The following TRPC7 variants were observed in gnomAD, a reference collection of about 807,000 sequenced individuals.
The protein encoded by TRPC7 is short transient receptor potential channel 7.
A neutral mutation model predicts 90.1 loss-of-function variants in TRPC7; 42 were observed. The ratio of observed to expected loss-of-function variants is 0.47; its 90% CI spans 0.36 to 0.60. The LOEUF (loss-of-function observed/expected upper bound fraction) is 0.60, where lower values mean the gene tolerates loss of function less well. Among genes scored for constraint, TRPC7 ranks in the 20% least tolerant of loss-of-function variants. The pLI, the probability that TRPC7 is intolerant of heterozygous loss-of-function variation, is 0.00. For synonymous variants in TRPC7, 451 were observed against 436.3 expected, an observed-to-expected ratio of 1.03 and a Z score of -0.42; for missense variants, 955 against 1,112.3, an observed-to-expected ratio of 0.86 and a Z score of 2.01.
At chr5:136,275,693 C>T (rs1757344118) in intron 3 of TRPC7, among the ~76,000 whole-genome samples, 1 of 152,204 alleles carries the variant, frequency 6.6e-6, no homozygotes, top group Admixed American at 6.5e-5. Flanking sequence ...GTCCTGCCCT[C>T]ACCCCTGGAT....
intron 2 of TRPC7, among the ~76,000 whole-genome samples, chr5:136,328,825 A>C (rs1759417601): frequency 6.6e-6 from 1 of 152,264 alleles, no homozygotes; most frequent in South Asian, 2.1e-4. Context: ...TCATCTAACA[A>C]AGCTGGCAAA....
intron 8 of TRPC7, among the ~76,000 whole-genome samples, chr5:136,227,775 A>C (rs1014437775): frequency 1.3e-5 from 2 of 152,248 alleles, no homozygotes; most frequent in Non-Finnish European, 2.9e-5. Flanking sequence ...CAACCATGGC[A>C]GGTGATGGAC....
chr5:136,293,563 C>T (rs1246656991), intron 3 of TRPC7, among the ~76,000 whole-genome samples: 1 of 152,074 alleles, frequency 6.6e-6, no homozygotes, highest in Non-Finnish European at 1.5e-5. Flanking sequence ...GAATAAAATA[C>T]TTAGGAATCC....
At chr5:136,301,385 T>C (rs1758381173) in intron 3 of TRPC7, among the ~76,000 whole-genome samples, 1 of 135,700 alleles carries the variant, frequency 7.4e-6, no homozygotes, top group Admixed American at 8.0e-5. Context: ...GTCAGGCCTC[T>C]GAACCCAAGC....
At chr5:136,364,789 A>G (rs577314780) in intron 1 of TRPC7, among the ~76,000 whole-genome samples, 1 of 152,344 alleles carries the variant, frequency 6.6e-6, no homozygotes, top group South Asian at 2.1e-4. Flanking sequence ...TTTCAACAAG[A>G]AGAAAAGAAA....
chr5:136,270,317 T>C (rs1757168864), intron 4 of TRPC7, among the ~76,000 whole-genome samples: 1 of 152,182 alleles, frequency 6.6e-6, no homozygotes, highest in African/African-American at 2.4e-5. Context: ...TTTCTTCTTT[T>C]ATAAAATGGG....
At chr5:136,321,619 A>G (rs538265175) in intron 2 of TRPC7, among the ~76,000 whole-genome samples, 1 of 152,308 alleles carries the variant, frequency 6.6e-6, no homozygotes, top group East Asian at 1.9e-4. Context: ...GTAAATGGCA[A>G]TTTACATGAT....
intron 2 of TRPC7, among the ~76,000 whole-genome samples, chr5:136,327,832 C>G (rs1759388082): frequency 6.6e-6 from 1 of 152,188 alleles, no homozygotes; most frequent in South Asian, 2.1e-4. Flanking sequence ...CAAGTGTTTT[C>G]TTTCTGCACA....
At chr5:136,244,594 A>G (rs1756277038) in intron 7 of TRPC7, among the ~76,000 whole-genome samples, 1 of 152,218 alleles carries the variant, frequency 6.6e-6, no homozygotes, top group Non-Finnish European at 1.5e-5. Flanking sequence ...GCAAGGCACC[A>G]TGCTAGGCTA....
chr5:136,217,111 C>G (rs910965161), intron 10 of TRPC7, among the ~76,000 whole-genome samples: 1 of 152,240 alleles, frequency 6.6e-6, no homozygotes, highest in East Asian at 1.9e-4. Flanking sequence ...CTCGGGTAGC[C>G]GAGACTTCTG....
At chr5:136,226,423 A>G (rs1281418755) in intron 8 of TRPC7, 168 bp from the exon 9 acceptor site, 12 of 609,050 alleles carry the variant, frequency 2.0e-5, no homozygotes, top group Non-Finnish European at 3.2e-5. Flanking sequence ...TGCTCTCACT[A>G]AAACCATGCA....
intron 2 of TRPC7, among the ~76,000 whole-genome samples, chr5:136,322,426 A>C (rs1490984815): frequency 3.9e-5 from 6 of 152,220 alleles, no homozygotes; most frequent in Non-Finnish European, 7.3e-5. Context: ...CCTTGTAAGA[A>C]GCTTCCAATT....
At chr5:136,253,523 T>G (rs1345153079) in intron 5 of TRPC7, among the ~76,000 whole-genome samples, 1 of 152,214 alleles carries the variant, frequency 6.6e-6, no homozygotes, top group Non-Finnish European at 1.5e-5. Flanking sequence ...TTCATTATTA[T>G]ATTCATTATG....
chr5:136,213,672 G>GCCCACA, intron 11 of TRPC7, 68 bp from the exon 12 acceptor site: 6 of 1,534,522 alleles, frequency 3.9e-6, no homozygotes, highest in African/African-American at 1.4e-5. Flanking sequence ...CCATGCACAT[G>GCCCACA]TGGGCATGTG....
intron 3 of TRPC7, among the ~76,000 whole-genome samples, chr5:136,288,451 G>A (rs1413448763): frequency 7.9e-6 from 1 of 126,132 alleles, no homozygotes; most frequent in Non-Finnish European, 1.8e-5. Flanking sequence ...CATGGAGTGG[G>A]CTGTGCCTTG....
In TRPC7 at chr5:136,213,184, C is replaced by G; in HGVS notation, c.*251G>C. On this transcript the variant is annotated 3_prime_UTR_variant, in exon 12 of 12. Coordinates refer to ENST00000513104, the MANE Select transcript of TRPC7 (RefSeq NM_020389.3). The stretch of plus-strand genomic sequence containing the variant: ...GTGGCTGGACCAAAGGTCTCACACT[C>G]GTCAGGGGGCTGTTCCTCCCCTCCT... The G allele has an allele frequency of 2.0e-6, 1 of 495,066 alleles. No homozygotes were observed. The highest frequency in any genetic ancestry group is 5.5e-4 in the Middle Eastern group (1 of 1,830). 30.7% of individuals were successfully genotyped at this position (495,066 alleles called of 1,614,324 possible). A position where few individuals can be genotyped will look rare whatever the true frequency, so the allele number is the denominator to read the frequency against.
intron 2 of TRPC7, among the ~76,000 whole-genome samples, chr5:136,325,179 A>G (rs1759307106): frequency 6.6e-6 from 1 of 152,218 alleles, no homozygotes; most frequent in African/African-American, 2.4e-5. Context: ...TATTATCCCT[A>G]AATAAGAAGA....
intron 5 of TRPC7, among the ~76,000 whole-genome samples, chr5:136,258,491 A>C (rs548706302): frequency 6.6e-6 from 1 of 152,144 alleles, no homozygotes; most frequent in Non-Finnish European, 1.5e-5. Flanking sequence ...CCTGCTCCCT[A>C]CACTTGAGCC....
intron 6 of TRPC7, among the ~76,000 whole-genome samples, chr5:136,249,217 T>C (rs1415857147): frequency 1.3e-5 from 2 of 152,136 alleles, no homozygotes; most frequent in East Asian, 1.9e-4. Context: ...CCAAGGGAGA[T>C]TGAAGAGGAA....
Sources: gnomAD v4.1 joint callset for allele counts (sites outside exome capture counted in the v4.1 genomes callset) on GRCh38, gnomAD v4.1.1 for gene constraint, MANE v1.5 for transcripts, NCBI Gene and HGNC (gene_info 2026-07-23, HGNC 2026-07-21) for gene names.